SCUBE3: variants seen among roughly 807,000 people sequenced by gnomAD.
The protein encoded by SCUBE3 is signal peptide, CUB domain and EGF like domain containing 3, also known as signal peptide, CUB and EGF-like domain-containing protein 3.
Under a neutral mutation model 116.8 loss-of-function variants are expected in SCUBE3, and 33 were observed. That is an observed-to-expected ratio of 0.28 (90% CI 0.21 to 0.38). SCUBE3 has a LOEUF of 0.38. SCUBE3 is among the 10% of genes least tolerant of loss of function. SCUBE3 has a pLI of 1.00. For synonymous variants in SCUBE3, 418 were observed against 496.9 expected (o/e 0.84, Z 2.11); for missense variants, 1,007 against 1,324.8 (o/e 0.76, Z 3.72).
intron 3 of SCUBE3, among the ~76,000 whole-genome samples, chr6:35,230,482 C>T (rs1282280839): frequency 3.3e-5 from 5 of 152,122 alleles, no homozygotes; most frequent in Non-Finnish European, 5.9e-5. Flanking sequence ...ATGCTCTGGG[C>T]CTTAGCTTCC....
intron 21 of SCUBE3, among the ~76,000 whole-genome samples, chr6:35,247,620 A>C (rs1390522997): frequency 6.6e-6 from 1 of 152,242 alleles, no homozygotes. Context: ...AATACTTTTC[A>C]AACATTTTTA....
chr6:35,227,093 T>C (rs773623445), intron 1 of SCUBE3, among the ~76,000 whole-genome samples: 2 of 152,150 alleles, frequency 1.3e-5, no homozygotes, highest in Non-Finnish European at 2.9e-5. Flanking sequence ...TCAAGCAGAA[T>C]CATGACACAG....
At position 35,249,842 on chromosome 6, in the gene SCUBE3, G is replaced by A. The variant is rs1199148134; in HGVS notation, c.*1137G>A. 2.0e-5 allele frequency: 3 copies of A among 152,806 alleles called. No homozygotes were observed. The highest frequency in any genetic ancestry group is 2.1e-4 in the South Asian group (1 of 4,824). The allele number at this position is 152,806 out of a possible 1,614,324, so 9.5% of individuals were successfully genotyped here. A position where few individuals can be genotyped will look rare whatever the true frequency, so the allele number is the denominator to read the frequency against. On this transcript the variant is annotated 3_prime_UTR_variant, in exon 22 of 22. Coordinates refer to ENST00000274938, the MANE Select transcript of SCUBE3 (RefSeq NM_152753.4). ...CAAAAGGAATGTGTGTGCACTTGGC[G>A]AGCCTCCTGCCCACCCTGTCCACAC...
rs41270058 is a variant in SCUBE3 at position 35,244,087 on chromosome 6, C to G, written c.2196C>G (p.Thr732=). ...LCFPCGGGLT[T]KHEGAISFQD... ...TCCCTTGTGGTGGGGGCCTCACCAC[C>G]AAGCATGAAGGGGCCATTTCCTTCC... Residue 732 remains threonine (T), a synonymous_variant, in exon 17 of 22, where the codon ACC becomes ACG. Transcript: ENST00000274938. The surrounding 1 kb of genome is among the most constrained non-coding windows in gnomAD (Gnocchi z 4.3). 25,323 of 1,613,870 alleles carry G rather than the reference C, an allele frequency of 0.016. 282 individuals are homozygous for G. Among genetic ancestry groups the G allele is most frequent in the Non-Finnish European group, 0.017 (19,832 of 1,179,822 alleles).
At chr6:35,242,405 C>G in intron 13 of SCUBE3, 85 bp downstream of exon 13, 1 of 1,075,554 alleles carries the variant, frequency 9.3e-7, no homozygotes, top group South Asian at 1.3e-5. Flanking sequence ...CAAAAACCCA[C>G]CAGAACCCTG....
chr6:35,226,650 T>C (rs1240970542), intron 1 of SCUBE3, among the ~76,000 whole-genome samples: 1 of 151,884 alleles, frequency 6.6e-6, no homozygotes. Context: ...ACCTGGCTAA[T>C]TTTTGTATTT....
intron 1 of SCUBE3, among the ~76,000 whole-genome samples, chr6:35,217,172 A>T (rs1782929457): frequency 7.2e-6 from 1 of 139,218 alleles, no homozygotes; most frequent in Non-Finnish European, 1.5e-5. Flanking sequence ...ATAATTGTTA[A>T]CTTAAAAGCA....
Position 35,245,144 on chromosome 6 carries a change from T to C in SCUBE3, c.2402-84T>C. The C allele has an allele frequency of 7.9e-7, 1 of 1,264,588 alleles. No individual in the cohort carries two copies. 78.3% of individuals were successfully genotyped at this position (1,264,588 alleles called of 1,614,324 possible). ...CTTCCCATAAATGTCTGACCTCTAC[T>C]TCAGAACTCTTCAATTCCCCCAGCA... is the stretch of plus-strand genomic sequence containing the variant. On this transcript the variant is annotated intron_variant, in intron 18 of 21. Transcript: ENST00000274938. The surrounding 1 kb of genome is among the most constrained non-coding windows in gnomAD (Gnocchi z 4.2).
chr6:35,252,556 A>G lies in SCUBE3; in HGVS notation c.*3851A>G, dbSNP rs1040071212. 2 of 152,258 alleles carry G rather than the reference A, an allele frequency of 1.3e-5. No homozygotes were observed. Among genetic ancestry groups the G allele is most frequent in the African/African-American group, 4.8e-5 (2 of 41,476 alleles). The allele number at this position is 152,258 out of a possible 1,614,324, so 9.4% of individuals were successfully genotyped here. ...AGCCACAAACAAGGGGTACCAAGACAAAGTATAACTGAGCATAAGCAGAAA... is the reference window on the plus strand; with the variant it reads ...AGCCACAAACAAGGGGTACCAAGACGAAGTATAACTGAGCATAAGCAGAAA... On this transcript the variant is annotated 3_prime_UTR_variant, in exon 22 of 22. Transcript: ENST00000274938.
In SCUBE3 at chr6:35,245,235, G is replaced by A; in HGVS notation, c.2409G>A (p.Gln803=). 2 of 1,614,186 alleles carry A rather than the reference G, an allele frequency of 1.2e-6. No individual in the cohort carries two copies. The highest frequency in any genetic ancestry group is 2.2e-5 in the East Asian group (1 of 44,884). Residue 803 remains glutamine, a synonymous_variant, in exon 19 of 22, where the codon CAG becomes CAA. Transcript: ENST00000274938. The surrounding 1 kb of genome is among the most constrained non-coding windows in gnomAD (Gnocchi z 4.2). ...STSVAQCKNR[Q]CGGELGEFTG... is the part of the protein sequence containing the mutation. Reference sequence around the variant, plus strand: ...ACTGGGGTTTGGCTGCAGATCGTCAGTGTGGTGGGGAGCTGGGTGAGTTCA... The same window carrying A: ...ACTGGGGTTTGGCTGCAGATCGTCAATGTGGTGGGGAGCTGGGTGAGTTCA...
Position 35,244,559 on chromosome 6 carries a change from T to C in SCUBE3, c.2240-91T>C, listed in dbSNP as rs942381121. The C allele has an allele frequency of 1.3e-5, 13 of 1,011,688 alleles. No homozygotes were observed. The highest frequency in any genetic ancestry group is 2.0e-5 in the Non-Finnish European group (13 of 661,046). The allele number at this position is 1,011,688 out of a possible 1,614,324, so 62.7% of individuals were successfully genotyped here. ...AACTTTGATGTATCTGATCTCCTGA[T>C]TCTCCAGGATGAATGTATCCTGTCC... On this transcript the variant is annotated intron_variant, in intron 17 of 21. Transcript: ENST00000274938. This position sits in a 1 kb window ranked among gnomAD's most constrained non-coding sequence, Gnocchi z 4.3.
At chr6:35,242,556 C>A in intron 13 of SCUBE3, 66 bp from the exon 14 acceptor site, 1 of 1,420,394 alleles carries the variant, frequency 7.0e-7, no homozygotes, top group Non-Finnish European at 9.8e-7. Flanking sequence ...CTGGGGAGGT[C>A]TGTCTGGGCT....
At chr6:35,217,712 T>G (rs1369834230) in intron 1 of SCUBE3, among the ~76,000 whole-genome samples, 2 of 152,046 alleles carry the variant, frequency 1.3e-5, no homozygotes, top group African/African-American at 4.8e-5. Flanking sequence ...ACCATAACCA[T>G]GTCAGCGGGT....
rs1283410444 is a variant in SCUBE3, at chr6:35,233,283, G to A, written c.694G>A (p.Asp232Asn). 6.8e-6 allele frequency: 11 copies of A among 1,609,392 alleles called. No individual in the cohort carries two copies. The highest frequency in any genetic ancestry group is 2.2e-5 in the South Asian group (2 of 90,954). ...GCHIKFVLHT[D>N]GKTCIETCAV... ...CCATATCAAGTTTGTGCTCCATACC[G>A]ACGGGAAGACATGCATCGGTGGGTG... The change falls in exon 6 of 22, where the codon GAC (aspartate) becomes AAC (asparagine). Residue 232 changes from aspartate to asparagine, a missense_variant. By Grantham distance (23) the Asp-to-Asn change is conservative (BLOSUM62 1). Transcript: ENST00000274938. This position sits in a 1 kb window ranked among gnomAD's most constrained non-coding sequence, Gnocchi z 5.7.
intron 21 of SCUBE3, among the ~76,000 whole-genome samples, chr6:35,246,822 A>T (rs1784360817): frequency 6.6e-6 from 1 of 151,852 alleles, no homozygotes; most frequent in Non-Finnish European, 1.5e-5. Flanking sequence ...TTTTGTAAAA[A>T]TACAAAATTA....
intron 1 of SCUBE3, chr6:35,223,711 G>T (rs746769854): frequency 2.6e-5 from 4 of 152,226 alleles, no homozygotes; most frequent in Non-Finnish European, 4.4e-5. Context: ...TGCATCCTGA[G>T]AGAACAGGCT....
At chr6:35,217,995 T>G (rs186245189) in intron 1 of SCUBE3, 6 of 258,150 alleles carry the variant, frequency 2.3e-5, no homozygotes, top group Admixed American at 1.3e-4. Context: ...TTCCTTCTCA[T>G]CTCTTTGAGT....
intron 3 of SCUBE3, among the ~76,000 whole-genome samples, chr6:35,229,171 G>A (rs1160801614): frequency 6.6e-6 from 1 of 152,174 alleles, no homozygotes; most frequent in Non-Finnish European, 1.5e-5. Context: ...CACTTTGGGA[G>A]GCCGAGGCAG....
At position 35,243,466 on chromosome 6, in the gene SCUBE3, T is replaced by C; in HGVS notation, c.1910-128T>C. On this transcript the variant is annotated intron_variant, in intron 15 of 21. Coordinates refer to ENST00000274938, the MANE Select transcript of SCUBE3 (RefSeq NM_152753.4). This position sits in a 1 kb window ranked among gnomAD's most constrained non-coding sequence, Gnocchi z 6.6. ...GACCCTCCTATCCCCCCAAGTAGGATTGTGTTTGTTCCCTGACAGAGATTC... is the reference window on the plus strand; with the variant it reads ...GACCCTCCTATCCCCCCAAGTAGGACTGTGTTTGTTCCCTGACAGAGATTC... 2.1e-6 allele frequency: 2 copies of C among 944,662 alleles called. No homozygotes were observed. The highest frequency in any genetic ancestry group is 1.6e-6 in the Non-Finnish European group (1 of 630,340). The allele number at this position is 944,662 out of a possible 1,614,324, so 58.5% of individuals were successfully genotyped here. A position where few individuals can be genotyped will look rare whatever the true frequency, so the allele number is the denominator to read the frequency against.
Sources: gnomAD v4.1 joint callset for allele counts (sites outside exome capture counted in the v4.1 genomes callset) on GRCh38, gnomAD v4.1.1 for gene constraint, Gnocchi (gnomAD v3.1) non-coding constraint, MANE v1.5 for transcripts, NCBI Gene and HGNC (gene_info 2026-07-23, HGNC 2026-07-21) for gene names.